Variants in MEGF6 observed in about 807,000 individuals in gnomAD.
MEGF6 encodes multiple EGF like domains 6, also known as multiple epidermal growth factor-like domains protein 6.
MEGF6 carries 184 observed loss-of-function variants against 207.1 expected under a neutral mutation model. That is an observed-to-expected ratio of 0.89 (90% CI 0.79 to 1.00). The LOEUF is 1.00. Among genes scored for constraint, MEGF6 ranks in the 50% least tolerant of loss-of-function variants. The pLI is 0.00. For synonymous variants in MEGF6, 1,038 were observed against 910.0 expected (o/e 1.14, Z -2.53); for missense variants, 2,282 against 2,202.9 (o/e 1.04, Z -0.72).
At chr1:3,537,297 G>A (rs1222172327) in intron 4 of MEGF6, among the ~76,000 whole-genome samples, 1 of 152,248 alleles carries the variant, frequency 6.6e-6, no homozygotes, top group African/African-American at 2.4e-5. Context: ...CATGAAACAG[G>A]GGGAAGGAGC....
In MEGF6 at chr1:3,490,555, G is replaced by A. The variant is rs1640308829; in HGVS notation, c.4599C>T (p.Ser1533=). ...GTLPASSRPT[S]RSGGPARH ...AGTGCCTCGCTGGTCCACCGCTCCGGGATGTGGGTCTGCTGGAGGCGGGCA... is the reference window on the plus strand; with the variant it reads ...AGTGCCTCGCTGGTCCACCGCTCCGAGATGTGGGTCTGCTGGAGGCGGGCA... Residue 1533 remains serine (S), a synonymous_variant, in exon 37 of 37, where the codon TCC becomes TCT. Coordinates refer to ENST00000356575, the MANE Select transcript of MEGF6 (RefSeq NM_001409.4). 1 of 1,613,458 alleles carries A rather than the reference G, an allele frequency of 6.2e-7. No homozygotes were observed. Among genetic ancestry groups the A allele is most frequent in the East Asian group, 2.2e-5 (1 of 44,884 alleles).
At chr1:3,597,442 C>T (rs1313229397) in intron 2 of MEGF6, among the ~76,000 whole-genome samples, 6 of 152,216 alleles carry the variant, frequency 3.9e-5, no homozygotes, top group African/African-American at 1.4e-4. Flanking sequence ...GCCCTGTCTC[C>T]CGCTGCTTGT....
At chr1:3,539,290 C>T (rs1331332745) in intron 4 of MEGF6, among the ~76,000 whole-genome samples, 8 of 151,940 alleles carry the variant, frequency 5.3e-5, no homozygotes, top group Non-Finnish European at 7.4e-5. Flanking sequence ...GGCTGGCCCC[C>T]GGACAGAAAG....
At chr1:3,591,884 G>A (rs946085408) in intron 3 of MEGF6, among the ~76,000 whole-genome samples, 6 of 150,754 alleles carry the variant, frequency 4.0e-5, no homozygotes, top group African/African-American at 1.2e-4. Flanking sequence ...CAGCGAGGGG[G>A]CTGGTGGGGG....
chr1:3,607,448 A>C (rs1475348862), intron 1 of MEGF6, among the ~76,000 whole-genome samples: 3 of 152,204 alleles, frequency 2.0e-5, no homozygotes, highest in African/African-American at 7.2e-5. Flanking sequence ...ATTGATCATC[A>C]ATCAAGCCAG....
chr1:3,501,268 G>A lies in MEGF6; in HGVS notation c.2355C>T (p.Ile785=). The change falls in exon 19 of 37, where the codon ATC becomes ATT. Residue 785 remains isoleucine, a synonymous_variant. Transcript: ENST00000356575. ...EGRWGLGCQE[I]CPACQHAARC... is the part of the protein sequence containing the mutation. ...GGGCAGCGTGCTGGCATGCTGGGCA[G>A]ATCTCCTGGCAGCCCAGCCCCCAGC... 4.4e-6 allele frequency: 7 copies of A among 1,607,570 alleles called. No individual in the cohort carries two copies. Among genetic ancestry groups the A allele is most frequent in the Non-Finnish European group, 5.9e-6 (7 of 1,177,766 alleles).
chr1:3,605,666 ACT>A (rs1033727024), intron 1 of MEGF6, among the ~76,000 whole-genome samples: 9 of 42,242 alleles, frequency 2.1e-4, no homozygotes, highest in Non-Finnish European at 5.8e-4. Flanking sequence ...AAGCTCACAA[ACT>A]CACACACACT....
In MEGF6 at chr1:3,538,101, C is replaced by T. The variant is rs551659119; in HGVS notation, c.482-13855G>A. ...GGCTCAAGGCTCCTAAGCCCCAAAG[C>T]CATCCCATGCCACCCCGCCCCTGCA... On this transcript the variant is annotated intron_variant, in intron 4 of 36. Coordinates refer to ENST00000356575, the MANE Select transcript of MEGF6 (RefSeq NM_001409.4). Among the ~76,000 whole-genome samples, 7 of 152,338 alleles carry T rather than the reference C, an allele frequency of 4.6e-5. No individual in the cohort carries two copies. In the South Asian group the frequency reaches 1.2e-3, roughly 27 times the overall value.
Position 3,496,027 on chromosome 1 carries a change from G to C in MEGF6, c.3743-9C>G. ...GCGGCCCTGCGGACAGGCTGCCGGG[G>C]AGGAAGTGGTGATCGTGGCTGGCTT... On this transcript the variant is annotated splice_polypyrimidine_tract_variant and intron_variant, in intron 29 of 36. Transcript: ENST00000356575. 13 of 1,509,728 alleles carry C rather than the reference G, an allele frequency of 8.6e-6. No individual in the cohort carries two copies. The highest frequency in any genetic ancestry group is 1.1e-5 in the Non-Finnish European group (13 of 1,134,392). 93.5% of individuals were successfully genotyped at this position (1,509,728 alleles called of 1,614,324 possible). A position where few individuals can be genotyped will look rare whatever the true frequency, so the allele number is the denominator to read the frequency against.
intron 4 of MEGF6, among the ~76,000 whole-genome samples, chr1:3,549,521 TG>T (rs1642819749): frequency 6.6e-6 from 1 of 152,186 alleles, no homozygotes; most frequent in South Asian, 2.1e-4. Flanking sequence ...TGGGGGCTTC[TG>T]GGGGCACATG....
Position 3,494,515 on chromosome 1 carries a change from G to T in MEGF6, c.4001-16C>A, listed in dbSNP as rs746504170. 5 of 1,585,014 alleles carry T rather than the reference G, an allele frequency of 3.2e-6. No individual in the cohort carries two copies. The Admixed American group carries it at 8.8e-5, about 28-fold the overall frequency. ...GGGGGACAGGCTGGGGACAGGGCAG[G>T]GTGGGCAGTCCTTCGGCACCAGCCT... is the stretch of plus-strand genomic sequence containing the variant. On this transcript the variant is annotated splice_polypyrimidine_tract_variant and intron_variant, in intron 31 of 36. Transcript: ENST00000356575.
chr1:3,605,133 C>A (rs1355642096), intron 1 of MEGF6, among the ~76,000 whole-genome samples: 3 of 134,870 alleles, frequency 2.2e-5, no homozygotes, highest in Non-Finnish European at 4.8e-5. Flanking sequence ...CATACACACA[C>A]CCACACACAG....
chr1:3,518,670 T>C (rs1570030894), intron 5 of MEGF6, among the ~76,000 whole-genome samples: 1 of 152,216 alleles, frequency 6.6e-6, no homozygotes, highest in Non-Finnish European at 1.5e-5. Flanking sequence ...GTGGTTCTGG[T>C]CCCGTTGGTT....
intron 17 of MEGF6, among the ~76,000 whole-genome samples, chr1:3,503,821 C>T (rs574330619): frequency 3.9e-5 from 6 of 152,052 alleles, no homozygotes; most frequent in African/African-American, 7.3e-5. Context: ...CCCATGTCCG[C>T]GCACTGATGA....
chr1:3,550,522 CA>C (rs1409194293), intron 4 of MEGF6, among the ~76,000 whole-genome samples: 1 of 152,182 alleles, frequency 6.6e-6, no homozygotes, highest in African/African-American at 2.4e-5. Context: ...TTATTTTATG[CA>C]ATGTGAATTT....
chr1:3,501,926 A>G lies in MEGF6; in HGVS notation c.2189-5T>C. 1 of 1,559,610 alleles carries G rather than the reference A, an allele frequency of 6.4e-7. No homozygotes were observed. Among genetic ancestry groups the G allele is most frequent in the Middle Eastern group, 1.7e-4 (1 of 5,846 alleles). ...CAAACGTCCCCACCGGGCACTCTGC[A>G]GGAGAAAGCACGAGGGGCCTTAGCC... On this transcript the variant is annotated splice_polypyrimidine_tract_variant and splice_region_variant and intron_variant, in intron 17 of 36. Coordinates refer to ENST00000356575, the MANE Select transcript of MEGF6 (RefSeq NM_001409.4).
At chr1:3,593,124 G>T (rs983375555) in intron 3 of MEGF6, among the ~76,000 whole-genome samples, 1 of 152,196 alleles carries the variant, frequency 6.6e-6, no homozygotes, top group Non-Finnish European at 1.5e-5. Context: ...GACAGAGCTG[G>T]CAGGACGGGC....
At chr1:3,566,990 G>A (rs886777735) in intron 4 of MEGF6, among the ~76,000 whole-genome samples, 4 of 152,244 alleles carry the variant, frequency 2.6e-5, no homozygotes, top group African/African-American at 7.2e-5. Context: ...CGGAAACTGA[G>A]GCATAGTGAG....
chr1:3,491,755 G>A (rs78909915), intron 35 of MEGF6, among the ~76,000 whole-genome samples: 1 of 149,332 alleles, frequency 6.7e-6, no homozygotes, highest in African/African-American at 2.5e-5. Flanking sequence ...AACACCGCTG[G>A]GGGGTACACG....
Sources: allele counts gnomAD v4.1 joint callset (sites outside exome capture counted in the v4.1 genomes callset), GRCh38; gene constraint gnomAD v4.1.1; transcripts MANE v1.5; gene names NCBI Gene and HGNC (gene_info 2026-07-23, HGNC 2026-07-21).